TRPM1: variants seen among roughly 807,000 people sequenced by gnomAD.
TRPM1 encodes transient receptor potential cation channel subfamily M member 1, also known as TRPM1-203 APA Isoform, Intron 10.
Under a neutral mutation model 149.4 loss-of-function variants are expected in TRPM1, and 113 were observed. That is an observed-to-expected ratio of 0.76 (90% CI 0.65 to 0.88). The LOEUF is 0.88. Among genes scored for constraint, TRPM1 ranks in the 40% least tolerant of loss-of-function variants. The pLI is 0.00. For synonymous variants in TRPM1, 741 were observed against 759.5 expected, an observed-to-expected ratio of 0.98 and a Z score of 0.40; for missense variants, 1,976 against 2,038.7, an observed-to-expected ratio of 0.97 and a Z score of 0.59.
intron 11 of TRPM1, among the ~76,000 whole-genome samples, chr15:31,059,421 T>G (rs116227032): frequency 0.015 from 2,315 of 152,290 alleles, 64 homozygotes; most frequent in African/African-American, 0.051. Flanking sequence ...GTTTTATGTT[T>G]TAGAGATGGG....
chr15:31,093,323 A>G (rs533066179), intron 1 of TRPM1, among the ~76,000 whole-genome samples: 1 of 151,772 alleles, frequency 6.6e-6, no homozygotes, highest in East Asian at 1.9e-4. Flanking sequence ...CAAAAAAGCT[A>G]CTAGAGCTAA....
At chr15:31,052,261 G>A (rs2033965977) in intron 11 of TRPM1, among the ~76,000 whole-genome samples, 1 of 152,060 alleles carries the variant, frequency 6.6e-6, no homozygotes, top group African/African-American at 2.4e-5. Flanking sequence ...ATAGTTCCTG[G>A]TCAACATACA....
chr15:31,026,886 A>G (rs768223150), intron 26 of TRPM1, 29 bp downstream of exon 26: 1 of 1,609,422 alleles, frequency 6.2e-7, no homozygotes, highest in South Asian at 1.1e-5. Flanking sequence ...AAATCAGCCC[A>G]ACTTAGAAAT....
chr15:31,132,790 C>T (rs1411517183), intron 1 of TRPM1, among the ~76,000 whole-genome samples: 2 of 152,128 alleles, frequency 1.3e-5, no homozygotes, highest in Non-Finnish European at 2.9e-5. Context: ...GTTTTTCCTG[C>T]GCTGTTCCCG....
At chr15:31,053,612 A>G (rs2034006815) in intron 11 of TRPM1, among the ~76,000 whole-genome samples, 1 of 152,212 alleles carries the variant, frequency 6.6e-6, no homozygotes. Flanking sequence ...GTTTGTGAAA[A>G]TGAGGACAAA....
At chr15:31,115,266 TA>T (rs2035783806) in intron 1 of TRPM1, among the ~76,000 whole-genome samples, 1 of 151,774 alleles carries the variant, frequency 6.6e-6, no homozygotes, top group Non-Finnish European at 1.5e-5. Flanking sequence ...TAAAAAATAA[TA>T]ATAATAGATA....
At position 31,016,586 on chromosome 15, in the gene TRPM1, C is replaced by G. The variant is rs552349906; in HGVS notation, c.3629+9553G>C. On this transcript the variant is annotated intron_variant, in intron 27 of 27. Coordinates refer to ENST00000256552, the MANE Select transcript of TRPM1 (RefSeq NM_001252024.2). ...ATTAATGAGGCCATTTTTCTAACCA[C>G]CAAATACATGATTTCTTAACTGGCA... Among the ~76,000 whole-genome samples the G allele has an allele frequency of 2.6e-5, 4 of 152,292 alleles. No homozygotes were observed. The East Asian group carries it at 7.7e-4, about 29-fold the overall frequency.
rs757184103 is a variant in TRPM1, at chr15:31,026,176, A to C, written c.3592T>G (p.Ser1198Ala). The C allele has an allele frequency of 5.0e-6, 8 of 1,612,260 alleles. No homozygotes were observed. Among genetic ancestry groups the C allele is most frequent in the African/African-American group, 1.3e-5 (1 of 74,946 alleles). ...ACCCGGATGCGCTCGTCGCTGGACG[A>C]CTGCTGCTCATCCTCCTTCTCCCGG... ...HFREKEDEQQ[S>A]SSDERIRVTS... Residue 1198 changes from serine to alanine, a missense_variant, in exon 27 of 28, where the codon TCG becomes GCG. Ser to Ala is a moderately conservative substitution (Grantham distance 99). This residue lies in a region of TRPM1 where 572 missense variants were observed against 578.9 expected (regional missense o/e 0.99). Coordinates refer to ENST00000256552, the MANE Select transcript of TRPM1 (RefSeq NM_001252024.2).
At chr15:31,030,874 T>C in intron 23 of TRPM1, 109 bp downstream of exon 23, 2 of 1,298,170 alleles carry the variant, frequency 1.5e-6, no homozygotes, top group Non-Finnish European at 1.1e-6. Context: ...TATGGTGGAG[T>C]GACAAATATT....
chr15:31,125,758 T>A (rs112149686), intron 1 of TRPM1, among the ~76,000 whole-genome samples: 46 of 91,234 alleles, frequency 5.0e-4, no homozygotes, highest in Non-Finnish European at 8.7e-4. Context: ...AAAAAAAAAT[T>A]ATTAAAAAAT....
intron 26 of TRPM1, 80 bp downstream of exon 26, chr15:31,026,831 TTGAG>T: frequency 8.4e-6 from 12 of 1,426,512 alleles, no homozygotes; most frequent in Non-Finnish European, 1.2e-5. Context: ...GAGCAAGTAG[TTGAG>T]TGAGATTTCT....
At chr15:31,125,463 G>C (rs2035935444) in intron 1 of TRPM1, among the ~76,000 whole-genome samples, 1 of 152,092 alleles carries the variant, frequency 6.6e-6, no homozygotes, top group African/African-American at 2.4e-5. Context: ...GGGCGCAGTG[G>C]CTTACGCCTG....
chr15:31,042,359 G>T, intron 16 of TRPM1, 116 bp from the exon 17 acceptor site: 12 of 1,060,510 alleles, frequency 1.1e-5, no homozygotes, highest in African/African-American at 1.6e-5. Context: ...GACTTCTGAA[G>T]TACATCTTAC....
In TRPM1 at chr15:31,001,833, T is replaced by C; in HGVS notation, c.4867A>G (p.Thr1623Ala). 1.2e-6 allele frequency: 2 copies of C among 1,611,892 alleles called. No individual in the cohort carries two copies. Among genetic ancestry groups the C allele is most frequent in the Non-Finnish European group, 1.7e-6 (2 of 1,179,956 alleles). ...AGAAACAAAACAGACTAGCATTCAG[T>C]TTCTGTGGAAGCTTTCTCTTTCTTA... is the stretch of plus-strand genomic sequence containing the variant. ...KVKKEKASTE[T>A]EC The change falls in exon 28 of 28, where the codon ACT becomes GCT. Residue 1623 changes from threonine to alanine, a missense_variant. Thr to Ala is a moderately conservative substitution (Grantham distance 58, BLOSUM62 0). This residue lies in a region of TRPM1 where 572 missense variants were observed against 578.9 expected (regional missense o/e 0.99). Coordinates refer to ENST00000256552, the MANE Select transcript of TRPM1 (RefSeq NM_001252024.2).
intron 27 of TRPM1, among the ~76,000 whole-genome samples, chr15:31,016,723 T>G (rs554428208): frequency 6.6e-6 from 1 of 152,292 alleles, no homozygotes; most frequent in Non-Finnish European, 1.5e-5. Flanking sequence ...CTCCTGACTT[T>G]GAATAGAAAT....
At chr15:31,091,598 G>C (rs1286692765) in intron 1 of TRPM1, among the ~76,000 whole-genome samples, 1 of 152,140 alleles carries the variant, frequency 6.6e-6, no homozygotes, top group Non-Finnish European at 1.5e-5. Context: ...GAGGCTGACC[G>C]GGTGGGAGTG....
intron 1 of TRPM1, among the ~76,000 whole-genome samples, chr15:31,110,656 C>A (rs1333657397): frequency 1.3e-5 from 2 of 152,114 alleles, no homozygotes; most frequent in African/African-American, 4.8e-5. Context: ...CTCTTCTGCA[C>A]CCTACGGCTC....
In TRPM1 at chr15:31,040,118, C is replaced by T. The variant is rs779743027; in HGVS notation, c.2316G>A (p.Lys772=). The T allele has an allele frequency of 1.9e-6, 3 of 1,614,080 alleles. No homozygotes were observed. The highest frequency in any genetic ancestry group is 1.3e-5 in the African/African-American group (1 of 74,942). ...CCGCCTCGCAGCACGTTGCACGCAC[C>T]TTCAGGCCGGGGTTCTTCCGCATCC... is the stretch of plus-strand genomic sequence containing the variant. ...RLRMRKNPGL[K]VIMGILLPPT... The change falls in exon 18 of 28, where the codon AAG becomes AAA. Residue 772 remains lysine, a splice_region_variant and synonymous_variant. Coordinates refer to ENST00000256552, the MANE Select transcript of TRPM1 (RefSeq NM_001252024.2). The surrounding 1 kb of genome is among the most constrained non-coding windows in gnomAD (Gnocchi z 4.2).
chr15:31,128,893 A>G (rs2035984108), intron 1 of TRPM1, among the ~76,000 whole-genome samples: 1 of 152,202 alleles, frequency 6.6e-6, no homozygotes, highest in African/African-American at 2.4e-5. Flanking sequence ...TTTTGTAGCT[A>G]ATTCAGATGA....
Sources: allele counts gnomAD v4.1 joint callset (sites outside exome capture counted in the v4.1 genomes callset), GRCh38; gene constraint gnomAD v4.1.1; regional missense constraint gnomAD v4.1.1; non-coding constraint Gnocchi (gnomAD v3.1); transcripts MANE v1.5; gene names NCBI Gene and HGNC (gene_info 2026-07-23, HGNC 2026-07-21).